SCN1A: variants seen among roughly 807,000 people sequenced by gnomAD.
SCN1A encodes sodium voltage-gated channel alpha subunit 1, also known as sodium channel protein type 1 subunit alpha.
Under a neutral mutation model 193.7 loss-of-function variants are expected in SCN1A, and 13 were observed. The observed-to-expected ratio is 0.07, with a 90% confidence interval of 0.04 to 0.11. The LOEUF (loss-of-function observed/expected upper bound fraction) is 0.11, where lower values mean the gene tolerates loss of function less well. Ranked by LOEUF, SCN1A falls within the 10% of genes least tolerant of loss-of-function variation. The pLI, the probability that SCN1A is intolerant of heterozygous loss-of-function variation, is 1.00. For missense variants in SCN1A, 1,432 were observed against 2,451.1 expected (o/e 0.58, Z 8.78); for synonymous variants, 781 against 843.6 (o/e 0.93, Z 1.29).
chr2:165,984,989 G>T (rs1441168126), downstream of SCN1A: 1 of 152,096 alleles, frequency 6.6e-6, no homozygotes, highest in East Asian at 1.9e-4. Flanking sequence ...TTAACCAAGA[G>T]TGAAGGTAGT....
chr2:166,042,486 C>A, intron 14 of SCN1A, 62 bp from the exon 15 acceptor site: 1 of 1,473,240 alleles, frequency 6.8e-7, no homozygotes, highest in South Asian at 1.1e-5. Flanking sequence ...AGCAAACAAC[C>A]AAATGGTGAC....
chr2:166,147,194 C>G (rs6717330), intron 1 of SCN1A, among the ~76,000 whole-genome samples: 36 of 151,984 alleles, frequency 2.4e-4, no homozygotes, highest in African/African-American at 8.7e-4. Context: ...ACTTTGAAAA[C>G]CACTGTCCTA....
intron 17 of SCN1A, 37 bp downstream of exon 17, chr2:166,039,386 G>C (rs370207042): frequency 1.8e-5 from 28 of 1,586,346 alleles, no homozygotes; most frequent in Non-Finnish European, 2.3e-5. Flanking sequence ...TTGTTAGAAA[G>C]GTTTTTGAAT....
chr2:166,057,402 C>A (rs1699236589), intron 5 of SCN1A, among the ~76,000 whole-genome samples: 1 of 151,836 alleles, frequency 6.6e-6, no homozygotes, highest in Non-Finnish European at 1.5e-5. Context: ...TTTTAAAAAT[C>A]AGGGAAATAA....
Position 166,147,850 on chromosome 2 carries a change from G to C in SCN1A, c.-50+1197C>G, listed in dbSNP as rs145633377. ...GTTAATAGAATGAAAAGTACCTTCAGGGGAATTTATTTTACGATCACTCAT... is the reference window on the plus strand; with the variant it reads ...GTTAATAGAATGAAAAGTACCTTCACGGGAATTTATTTTACGATCACTCAT... On this transcript the variant is annotated intron_variant, in intron 1 of 26. Coordinates refer to the SCN1A transcript ENST00000635750. Among the ~76,000 whole-genome samples the C allele has an allele frequency of 4.3e-3, 655 of 152,228 alleles. 5 individuals are homozygous for C. Among genetic ancestry groups the C allele is most frequent in the Non-Finnish European group, 5.5e-3 (376 of 67,992 alleles).
chr2:166,084,304 C>T (rs997846311), intron 2 of SCN1A, among the ~76,000 whole-genome samples: 6 of 150,028 alleles, frequency 4.0e-5, no homozygotes, highest in Non-Finnish European at 8.9e-5. Context: ...TGTGCCTCTC[C>T]TTTGTAGACA....
chr2:166,041,727 A>C (rs551431886), intron 15 of SCN1A, among the ~76,000 whole-genome samples: 2 of 152,322 alleles, frequency 1.3e-5, no homozygotes, highest in African/African-American at 4.8e-5. Context: ...ACTTGGCCTC[A>C]AGTTAAATGA....
intron 23 of SCN1A, among the ~76,000 whole-genome samples, chr2:166,007,587 T>G (rs1280920672): frequency 1.3e-5 from 2 of 151,380 alleles, no homozygotes; most frequent in Non-Finnish European, 3.0e-5. Flanking sequence ...TTAAAAGCTG[T>G]CAGCCAGAAA....
At chr2:166,037,537 G>A (rs1232764034) in intron 18 of SCN1A, among the ~76,000 whole-genome samples, 2 of 152,038 alleles carry the variant, frequency 1.3e-5, no homozygotes, top group Non-Finnish European at 2.9e-5. Flanking sequence ...AAAAATGCAG[G>A]GGCACTGCTA....
chr2:166,122,532 TA>T (rs1433026992), intron 2 of SCN1A, among the ~76,000 whole-genome samples: 1 of 152,184 alleles, frequency 6.6e-6, no homozygotes, highest in African/African-American at 2.4e-5. Context: ...GACCTTTTCT[TA>T]AAAGATATAT....
At position 165,992,394 on chromosome 2, in the gene SCN1A, CT is replaced by C; in HGVS notation, c.4880del (p.Lys1627SerfsTer11). On this transcript the variant is annotated frameshift_variant, in exon 29 of 29. Coordinates refer to ENST00000674923, the MANE Select transcript of SCN1A (RefSeq NM_001165963.4). LOFTEE classifies it high-confidence loss of function. The surrounding 1 kb of genome is among the most constrained non-coding windows in gnomAD (Gnocchi z 6.5). Reference protein sequence around the residue: ...VGMFLAELIEKYFVSPTLFRV... With the variant: ...VGMFLAELIEXYFVSPTLFRV... Reference sequence around the variant, plus strand: ...GGAACAGGGTAGGGGACACGAAATACTTTTCTATCAGCTCGGCAAGAAACAT... The same window carrying C: ...GGAACAGGGTAGGGGACACGAAATACTTTCTATCAGCTCGGCAAGAAACAT... The C allele has an allele frequency of 6.2e-7, 1 of 1,613,526 alleles. No homozygotes were observed. Among genetic ancestry groups the C allele is most frequent in the East Asian group, 2.2e-5 (1 of 44,838 alleles).
intron 19 of SCN1A, among the ~76,000 whole-genome samples, chr2:166,019,909 C>CTT (rs1307364440): frequency 1.7e-5 from 2 of 117,064 alleles, no homozygotes; most frequent in Non-Finnish European, 3.9e-5. Flanking sequence ...TCAAGGTGAA[C>CTT]TTCTTTTTTT....
At chr2:166,054,137 C>T (rs1276663667) in intron 7 of SCN1A, among the ~76,000 whole-genome samples, 2 of 151,948 alleles carry the variant, frequency 1.3e-5, no homozygotes, top group Non-Finnish European at 2.9e-5. Flanking sequence ...CAAGTATCTT[C>T]TTTCTTCTCT....
intron 23 of SCN1A, among the ~76,000 whole-genome samples, chr2:166,005,667 A>G (rs1455884000): frequency 6.6e-6 from 1 of 151,408 alleles, no homozygotes; most frequent in Non-Finnish European, 1.5e-5. Context: ...CATAGAAAAG[A>G]TTGTCTTTTC....
intron 2 of SCN1A, chr2:166,081,549 T>C (rs944572032): frequency 6.6e-6 from 1 of 151,898 alleles, no homozygotes; most frequent in African/African-American, 2.4e-5. Flanking sequence ...CCTCTGAATA[T>C]TTTTTCTTTG....
intron 9 of SCN1A, among the ~76,000 whole-genome samples, chr2:166,051,463 A>G (rs1163453808): frequency 3.3e-5 from 5 of 152,042 alleles, no homozygotes; most frequent in African/African-American, 1.2e-4. Context: ...GAAAAGACCA[A>G]ATATACATGA....
At chr2:166,047,919 G>T in intron 10 of SCN1A, 151 bp from the exon 11 acceptor site, 1 of 921,296 alleles carries the variant, frequency 1.1e-6, no homozygotes. Flanking sequence ...ACTTTTGACT[G>T]CATATAGTCT....
At chr2:166,134,546 G>A (rs535310838) in intron 1 of SCN1A, among the ~76,000 whole-genome samples, 4 of 152,214 alleles carry the variant, frequency 2.6e-5, no homozygotes, top group Non-Finnish European at 2.9e-5. Context: ...CTCCACATGC[G>A]GTTCTTAAAT....
chr2:166,044,784 TATC>T (rs1180766200), intron 13 of SCN1A, among the ~76,000 whole-genome samples: 2 of 152,056 alleles, frequency 1.3e-5, no homozygotes, highest in African/African-American at 2.4e-5. Flanking sequence ...TATAGACAAA[TATC>T]AGCAGACAGT....
Sources: gnomAD v4.1 joint callset for allele counts (sites outside exome capture counted in the v4.1 genomes callset) on GRCh38, gnomAD v4.1.1 for gene constraint, Gnocchi (gnomAD v3.1) non-coding constraint, MANE v1.5 for transcripts, NCBI Gene and HGNC (gene_info 2026-07-23, HGNC 2026-07-21) for gene names.